Variants in AHRR observed in about 807,000 individuals in gnomAD.
The protein encoded by AHRR is ahR repressor.
A neutral mutation model predicts 44.0 loss-of-function variants in AHRR; 28 were observed. The ratio of observed to expected loss-of-function variants is 0.64; its 90% confidence interval spans 0.47 to 0.87. The LOEUF (loss-of-function observed/expected upper bound fraction) is 0.87. Among genes scored for constraint, AHRR ranks in the 40% least tolerant of loss-of-function variants. The pLI is 0.00. For missense variants in AHRR, 990 were observed against 953.9 expected (o/e 1.04, Z -0.50); for synonymous variants, 434 against 407.0 (o/e 1.07, Z -0.80).
Position 427,860 on chromosome 5 carries a change from G to A in AHRR, c.762G>A (p.Ala254=), listed in dbSNP as rs774074829. The A allele has an allele frequency of 8.7e-6, 14 of 1,613,952 alleles. No homozygotes were observed. The highest frequency in any genetic ancestry group is 5.5e-5 in the South Asian group (5 of 91,088). The part of the protein sequence containing the change: ...LKFLFGQKKK[A]PSGAMLPPRL... ...TCCTGTTTGGACAGAAGAAGAAGGCGCCGTCAGGAGCCATGCTCCCGCCGC... is the reference window on the plus strand; with the variant it reads ...TCCTGTTTGGACAGAAGAAGAAGGCACCGTCAGGAGCCATGCTCCCGCCGC... Residue 254 remains alanine (A), a synonymous_variant, in exon 8 of 11, where the codon GCG becomes GCA. Transcript: ENST00000684583.
chr5:354,821 G>A (rs946458225), intron 3 of AHRR, among the ~76,000 whole-genome samples: 9 of 152,324 alleles, frequency 5.9e-5, no homozygotes, highest in African/African-American at 2.2e-4. Flanking sequence ...GGGTGCAAGA[G>A]GCTGTCAGTG....
chr5:396,094 G>T (rs1734692844), intron 4 of AHRR, among the ~76,000 whole-genome samples: 1 of 152,228 alleles, frequency 6.6e-6, no homozygotes, highest in South Asian at 2.1e-4. Flanking sequence ...GGATGGGGCA[G>T]TGGGGGCCTG....
Position 395,285 on chromosome 5 carries a change from G to A in AHRR, c.352-18059G>A, listed in dbSNP as rs1367196791. Among the ~76,000 whole-genome samples the A allele has an allele frequency of 6.6e-6, 1 of 152,220 alleles. No individual in the cohort carries two copies. The highest frequency in any genetic ancestry group is 2.1e-4 in the South Asian group (1 of 4,834). On this transcript the variant is annotated intron_variant, in intron 4 of 10. Coordinates refer to ENST00000684583, the MANE Select transcript of AHRR (RefSeq NM_001377236.1). The surrounding 1 kb of genome is among the most constrained non-coding windows in gnomAD (Gnocchi z 5.3). Reference sequence around the variant, plus strand: ...CTGGTGCGGAATGCAGACAGAGGGGGCCTGGGAGACACGAGCCCCGGTGGT... The same window carrying A: ...CTGGTGCGGAATGCAGACAGAGGGGACCTGGGAGACACGAGCCCCGGTGGT...
intron 1 of AHRR, among the ~76,000 whole-genome samples, chr5:324,045 T>G (rs367721534): frequency 8.1e-6 from 1 of 123,364 alleles, no homozygotes; most frequent in African/African-American, 3.2e-5. Context: ...CTGTCTCTCT[T>G]TCTCTCTCTC....
chr5:399,288 GCCT>G (rs1734909322), intron 4 of AHRR, among the ~76,000 whole-genome samples: 1 of 152,232 alleles, frequency 6.6e-6, no homozygotes, highest in South Asian at 2.1e-4. Flanking sequence ...GGCAGGATGG[GCCT>G]GGCGCTTCTG....
Position 434,311 on chromosome 5 carries a change from G to A in AHRR, c.1571G>A (p.Gly524Asp). 1 of 1,610,826 alleles carries A rather than the reference G, an allele frequency of 6.2e-7. No homozygotes were observed. Among genetic ancestry groups the A allele is most frequent in the South Asian group, 1.1e-5 (1 of 90,640 alleles). Residue 524 changes from glycine to aspartate, a missense_variant, in exon 11 of 11, where the codon GGT becomes GAT. Physicochemically the swap from Gly to Asp is moderately conservative, Grantham distance 94. Coordinates refer to ENST00000684583, the MANE Select transcript of AHRR (RefSeq NM_001377236.1). Reference protein sequence around the residue: ...GVPMPPGDLCGPTLLLDVSIK... With the variant: ...GVPMPPGDLCDPTLLLDVSIK... ...CCGATGCCTCCGGGGGACCTGTGTG[G>A]TCCGACGCTGCTGCTAGATGTGTCC...
At position 432,984 on chromosome 5, in the gene AHRR, G is replaced by A. The variant is rs777115191; in HGVS notation, c.1112+37G>A. The A allele has an allele frequency of 7.1e-6, 11 of 1,545,760 alleles. No individual in the cohort carries two copies. The African/African-American group carries it at 1.4e-4, about 19-fold the overall frequency. On this transcript the variant is annotated intron_variant, in intron 10 of 10. Transcript: ENST00000684583. ...CAGGCAGCCTCCCCCAGCCCTGGCA[G>A]CTCCCTAAGTCACCGTGGAGGCCAA...
chr5:341,470 G>A (rs987626101), intron 1 of AHRR, among the ~76,000 whole-genome samples: 1 of 148,928 alleles, frequency 6.7e-6, no homozygotes, highest in African/African-American at 2.5e-5. Flanking sequence ...CCAACTTTTG[G>A]TTTAATCACT....
intron 8 of AHRR, among the ~76,000 whole-genome samples, chr5:428,979 C>G (rs1245844717): frequency 6.6e-6 from 1 of 152,258 alleles, no homozygotes; most frequent in African/African-American, 2.4e-5. Flanking sequence ...GCTTCACTCG[C>G]TTGCGCAGGG....
intron 2 of AHRR, among the ~76,000 whole-genome samples, chr5:348,493 C>T (rs570719680): frequency 7.5e-4 from 115 of 152,320 alleles, no homozygotes; most frequent in Admixed American, 1.4e-3. Flanking sequence ...TATCACTCCA[C>T]GAGCTTCTTT....
At chr5:400,974 G>A (rs1002363467) in intron 4 of AHRR, among the ~76,000 whole-genome samples, 2 of 152,224 alleles carry the variant, frequency 1.3e-5, no homozygotes, top group African/African-American at 4.8e-5. Flanking sequence ...AGGGCTGGGG[G>A]CTGAGGACCC....
chr5:355,935 CT>C (rs1474944406), intron 3 of AHRR, among the ~76,000 whole-genome samples: 1 of 152,224 alleles, frequency 6.6e-6, no homozygotes, highest in Non-Finnish European at 1.5e-5. Context: ...ATTCTAAAAA[CT>C]TTTCTGAAGT....
chr5:410,213 A>G (rs554388165), intron 4 of AHRR, among the ~76,000 whole-genome samples: 3 of 152,278 alleles, frequency 2.0e-5, no homozygotes, highest in African/African-American at 7.2e-5. Context: ...TTATTTTATT[A>G]TTGTAGAGAC....
At chr5:330,715 T>G (rs1424986639) in intron 1 of AHRR, among the ~76,000 whole-genome samples, 1 of 152,006 alleles carries the variant, frequency 6.6e-6, no homozygotes, top group African/African-American at 2.4e-5. Flanking sequence ...GTCTGTAGTT[T>G]TCTTTTTCTG....
intron 3 of AHRR, among the ~76,000 whole-genome samples, chr5:371,057 CAG>C (rs1743564442): frequency 6.6e-6 from 1 of 152,186 alleles, no homozygotes; most frequent in African/African-American, 2.4e-5. Context: ...AGTCCAAGCC[CAG>C]AGGCCTGAGG....
rs1444062364 is a variant in AHRR, at chr5:427,047, GTGGGTGGATGGA to G, written c.709-744_709-733del. Among the ~76,000 whole-genome samples the G allele has an allele frequency of 6.2e-3, 885 of 143,224 alleles. 7 individuals are homozygous for G. The highest frequency in any genetic ancestry group is 0.022 in the African/African-American group (837 of 38,576). The allele number at this position is 143,224 out of a possible 152,430, so 94.0% of individuals were successfully genotyped here. On this transcript the variant is annotated intron_variant, in intron 7 of 10. Coordinates refer to ENST00000684583, the MANE Select transcript of AHRR (RefSeq NM_001377236.1). ...GGATGGGAAGATGATGGATGGATGG[GTGGGTGGATGGA>G]TGGGTGGATGGATGGATGGATGGAA...
chr5:329,619 T>A (rs908514491), intron 1 of AHRR, among the ~76,000 whole-genome samples: 1 of 152,390 alleles, frequency 6.6e-6, no homozygotes, highest in South Asian at 2.1e-4. Flanking sequence ...TGAATTCTTC[T>A]GATCTATGAA....
At position 377,337 on chromosome 5, in the gene AHRR, C is replaced by T. The variant is rs116376291; in HGVS notation, c.351+621C>T. Among the ~76,000 whole-genome samples the T allele has an allele frequency of 3.9e-3, 601 of 152,312 alleles. 6 individuals are homozygous for T. Among genetic ancestry groups the T allele is most frequent in the African/African-American group, 0.014 (570 of 41,570 alleles). ...ATGGAGCCTCCGGGGTGAATCCATT[C>T]GCCATTTTGAAGATGAAGGGGGTTG... is the stretch of plus-strand genomic sequence containing the variant. On this transcript the variant is annotated intron_variant, in intron 4 of 10. Coordinates refer to ENST00000684583, the MANE Select transcript of AHRR (RefSeq NM_001377236.1).
chr5:397,679 A>G (rs1734795318), intron 4 of AHRR, among the ~76,000 whole-genome samples: 1 of 119,628 alleles, frequency 8.4e-6, no homozygotes, highest in African/African-American at 3.8e-5. Context: ...CTGACCATCC[A>G]TGTAGCCCCT....
Sources: allele counts gnomAD v4.1 joint callset (sites outside exome capture counted in the v4.1 genomes callset), GRCh38; gene constraint gnomAD v4.1.1; non-coding constraint Gnocchi (gnomAD v3.1); transcripts MANE v1.5; gene names NCBI Gene and HGNC (gene_info 2026-07-23, HGNC 2026-07-21).